Variants in ANKRD6 observed in about 807,000 individuals in gnomAD.
ANKRD6 encodes the protein ankyrin repeat domain 6, also known as ankyrin repeat domain-containing protein 6.
A neutral mutation model predicts 82.3 loss-of-function variants in ANKRD6; 56 were observed. The observed-to-expected ratio is 0.68, with a 90% confidence interval of 0.55 to 0.85. The LOEUF (loss-of-function observed/expected upper bound fraction) is 0.85, where lower values mean the gene tolerates loss of function less well. ANKRD6 is among the 40% of genes least tolerant of loss of function. The pLI, the probability that ANKRD6 is intolerant of heterozygous loss-of-function variation, is 0.00. For missense variants in ANKRD6, 852 were observed against 907.6 expected, an observed-to-expected ratio of 0.94 and a Z score of 0.79; for synonymous variants, 347 against 352.1, an observed-to-expected ratio of 0.99 and a Z score of 0.16.
rs568892868 is a variant in ANKRD6, at chr6:89,488,815, A to G, written c.-144+55440A>G. The stretch of plus-strand genomic sequence containing the variant: ...AGTGACCCAGTATGTACACATACAT[A>G]TATAAACATACACACAAATGAAACA... On this transcript the variant is annotated intron_variant, in intron 1 of 15. Transcript: ENST00000339746. Among the ~76,000 whole-genome samples the G allele has an allele frequency of 8.5e-5, 13 of 152,346 alleles. No homozygotes were observed. In the East Asian group the frequency reaches 2.3e-3, roughly 27 times the overall value.
intron 1 of ANKRD6, among the ~76,000 whole-genome samples, chr6:89,510,924 T>A (rs1008390705): frequency 1.3e-5 from 2 of 152,090 alleles, no homozygotes; most frequent in African/African-American, 4.8e-5. Context: ...GAGAGCCGGA[T>A]GGTGATGGCT....
At chr6:89,581,339 G>A (rs1792477450) in intron 2 of ANKRD6, among the ~76,000 whole-genome samples, 1 of 152,214 alleles carries the variant, frequency 6.6e-6, no homozygotes, top group Non-Finnish European at 1.5e-5. Flanking sequence ...CTGAGTCAGA[G>A]CATGCATGCC....
intron 1 of ANKRD6, chr6:89,508,820 A>G (rs1780182937): frequency 6.6e-6 from 1 of 152,142 alleles, no homozygotes; most frequent in Non-Finnish European, 1.5e-5. Context: ...TAATTTTTAA[A>G]TTTGTATTCC....
chr6:89,612,219 C>A, intron 5 of ANKRD6, 53 bp from the exon 6 acceptor site: 1 of 1,489,538 alleles, frequency 6.7e-7, no homozygotes, highest in South Asian at 1.2e-5. Context: ...GCATGCAAGT[C>A]TGTGCGGAAG....
chr6:89,579,698 A>G (rs906746285), intron 2 of ANKRD6, among the ~76,000 whole-genome samples: 2 of 148,104 alleles, frequency 1.4e-5, no homozygotes, highest in Admixed American at 1.4e-4. Flanking sequence ...CGGAAGCTGC[A>G]GTAATCCAAG....
intron 7 of ANKRD6, among the ~76,000 whole-genome samples, chr6:89,615,438 C>T (rs1463506412): frequency 6.6e-6 from 1 of 152,212 alleles, no homozygotes; most frequent in Non-Finnish European, 1.5e-5. Context: ...CCCCACCAAC[C>T]AGTGCCTTTC....
At position 89,616,569 on chromosome 6, in the gene ANKRD6, C is replaced by T. The variant is rs369158321; in HGVS notation, c.626C>T (p.Thr209Ile). 69 of 1,613,928 alleles carry T rather than the reference C, an allele frequency of 4.3e-5. No homozygotes were observed. Among genetic ancestry groups the T allele is most frequent in the Non-Finnish European group, 5.4e-5 (64 of 1,179,902 alleles). The change falls in exon 8 of 16, where the codon ACA becomes ATA. Residue 209 changes from threonine to isoleucine, a missense_variant. Thr to Ile is a moderately conservative substitution (Grantham distance 89). Transcript: ENST00000339746. The stretch of plus-strand genomic sequence containing the variant: ...TCTAATCAATTCCAGGCTGGAGACA[C>T]AGCACTTCACGTTGCTGCTGCCCTA... ...SVHEKNQAGD[T>I]ALHVAAALNH... is the part of the protein sequence containing the mutation.
chr6:89,511,560 C>T (rs1347042059), intron 1 of ANKRD6, among the ~76,000 whole-genome samples: 1 of 152,240 alleles, frequency 6.6e-6, no homozygotes, highest in Non-Finnish European at 1.5e-5. Flanking sequence ...AGGTGAGTTA[C>T]TAAACCTTTT....
rs374068322 is a variant in ANKRD6 at position 89,520,314 on chromosome 6, C to G, written c.-143-46520C>G. 9.2e-5 allele frequency among the ~76,000 whole-genome samples: 14 copies of G among 152,328 alleles called. No homozygotes were observed. The East Asian group carries it at 2.7e-3, about 29-fold the overall frequency. On this transcript the variant is annotated intron_variant, in intron 1 of 15. Transcript: ENST00000339746. ...CTTTTTCATTTTGGCAAAAGCCCTG[C>G]AACCTACAGCTGTCTAGTCAGTTAC... is the stretch of plus-strand genomic sequence containing the variant.
At chr6:89,624,783 C>G in intron 13 of ANKRD6, 92 bp downstream of exon 13, 1 of 1,421,064 alleles carries the variant, frequency 7.0e-7, no homozygotes, top group Non-Finnish European at 9.4e-7. Flanking sequence ...CCCTTCCACC[C>G]TGGGAGTGTC....
At chr6:89,548,690 G>A (rs536704929) in intron 1 of ANKRD6, among the ~76,000 whole-genome samples, 6 of 152,290 alleles carry the variant, frequency 3.9e-5, no homozygotes, top group African/African-American at 1.4e-4. Flanking sequence ...ATTATAGAGA[G>A]GAGAGTTCCC....
At chr6:89,584,553 C>T (rs572908701) in intron 2 of ANKRD6, among the ~76,000 whole-genome samples, 13 of 152,204 alleles carry the variant, frequency 8.5e-5, no homozygotes, top group African/African-American at 2.9e-4. Flanking sequence ...TTTCCTTGTT[C>T]TAAGCCAATA....
intron 1 of ANKRD6, among the ~76,000 whole-genome samples, chr6:89,479,200 CA>C (rs1776472245): frequency 6.6e-6 from 1 of 152,142 alleles, no homozygotes; most frequent in Non-Finnish European, 1.5e-5. Context: ...AGGCAAGGGT[CA>C]GGGAAGATTT....
At chr6:89,508,369 GT>G (rs1449890061) in intron 1 of ANKRD6, among the ~76,000 whole-genome samples, 3 of 152,178 alleles carry the variant, frequency 2.0e-5, no homozygotes, top group Non-Finnish European at 4.4e-5. Context: ...GTACAAATGG[GT>G]GTTGACAGTA....
intron 1 of ANKRD6, among the ~76,000 whole-genome samples, chr6:89,488,875 A>ATTCTG (rs1554219742): frequency 1.5e-5 from 2 of 129,400 alleles, no homozygotes; most frequent in African/African-American, 7.3e-5. Context: ...GATCTATTCT[A>ATTCTG]TTCTATTCTA....
chr6:89,629,488 A>T, intron 15 of ANKRD6: 1 of 508,574 alleles, frequency 2.0e-6, no homozygotes, highest in Non-Finnish European at 3.6e-6. Flanking sequence ...ACTGGTGATA[A>T]CATTGCCTTG....
At chr6:89,541,493 A>G (rs1784449309) in intron 1 of ANKRD6, among the ~76,000 whole-genome samples, 1 of 147,186 alleles carries the variant, frequency 6.8e-6, no homozygotes. Flanking sequence ...TCCGAGTTCA[A>G]GCGATTCTCC....
intron 13 of ANKRD6, among the ~76,000 whole-genome samples, chr6:89,627,061 C>T (rs1805919845): frequency 6.6e-6 from 1 of 151,740 alleles, no homozygotes. Flanking sequence ...GCCTACAAGG[C>T]CTGCATGGGC....
chr6:89,550,403 C>T (rs1785671261), intron 1 of ANKRD6, among the ~76,000 whole-genome samples: 1 of 152,088 alleles, frequency 6.6e-6, no homozygotes, highest in Non-Finnish European at 1.5e-5. Context: ...CAAATAAAAT[C>T]TTGAGTGAAA....
Sources: allele counts gnomAD v4.1 joint callset (sites outside exome capture counted in the v4.1 genomes callset), GRCh38; gene constraint gnomAD v4.1.1; transcripts MANE v1.5; gene names NCBI Gene and HGNC (gene_info 2026-07-23, HGNC 2026-07-21).